The following KCNJ6 variants were observed in gnomAD, a reference collection of about 807,000 sequenced individuals.
KCNJ6 encodes the protein G protein-activated inward rectifier potassium channel 2.
Under a neutral mutation model 34.2 loss-of-function variants are expected in KCNJ6, and 9 were observed. The observed-to-expected ratio is 0.26, with a 90% CI of 0.16 to 0.46. The LOEUF is 0.46. Among genes scored for constraint, KCNJ6 ranks in the 20% least tolerant of loss-of-function variants. The probability of loss-of-function intolerance (pLI) is 1.00; values close to 1 mark genes in which losing one functional copy is unlikely to be tolerated. For synonymous variants in KCNJ6, 196 were observed against 207.1 expected (o/e 0.95, Z 0.46); for missense variants, 236 against 531.3 (o/e 0.44, Z 5.46).
At chr21:37,689,493 AG>A (rs1238743047) in intron 3 of KCNJ6, among the ~76,000 whole-genome samples, 5 of 152,172 alleles carry the variant, frequency 3.3e-5, no homozygotes, top group Non-Finnish European at 7.4e-5. Flanking sequence ...CTCCCAATAG[AG>A]GAGAGTTACA....
intron 1 of KCNJ6, among the ~76,000 whole-genome samples, chr21:37,899,372 G>A (rs1211987497): frequency 6.6e-6 from 1 of 152,200 alleles, no homozygotes; most frequent in Non-Finnish European, 1.5e-5. Flanking sequence ...AAAAGCGATT[G>A]TTAAGGAAAC....
chr21:37,840,614 C>T lies in KCNJ6; in HGVS notation c.25+44G>A, dbSNP rs756431546. ...TCTTTTTTGTGCGATTTTGCATTTT[C>T]CCATTCAAAACAAAAAATAAATAAT... On this transcript the variant is annotated intron_variant, in intron 2 of 3. Transcript: ENST00000609713. 52 of 1,428,498 alleles carry T rather than the reference C, an allele frequency of 3.6e-5. No individual in the cohort carries two copies. The Middle Eastern group carries it at 8.8e-4, about 24-fold the overall frequency. 88.5% of individuals were successfully genotyped at this position (1,428,498 alleles called of 1,614,324 possible).
In KCNJ6 at chr21:37,811,773, C is replaced by T. The variant is rs941303644; in HGVS notation, c.25+28885G>A. Among the ~76,000 whole-genome samples, 3 of 152,092 alleles carry T rather than the reference C, an allele frequency of 2.0e-5. No individual in the cohort carries two copies. The East Asian group carries it at 5.8e-4, about 29-fold the overall frequency. On this transcript the variant is annotated intron_variant, in intron 2 of 3. Coordinates refer to ENST00000609713, the MANE Select transcript of KCNJ6 (RefSeq NM_002240.5). Reference sequence around the variant, plus strand: ...GATCTTGGAGGGCTTAAGGGAGCTTCTTTTCAACCTCAGACATACCAGAAA... The same window carrying T: ...GATCTTGGAGGGCTTAAGGGAGCTTTTTTTCAACCTCAGACATACCAGAAA...
At chr21:37,634,289 A>C (rs1185498824) in intron 3 of KCNJ6, among the ~76,000 whole-genome samples, 1 of 145,744 alleles carries the variant, frequency 6.9e-6, no homozygotes, top group East Asian at 2.3e-4. Context: ...AGAGCCTGGC[A>C]CCTCCATCCC....
rs2123352236 is a variant in KCNJ6, at chr21:37,615,310, A to G, written c.*9849T>C. ...CTCTGTCGCCCAGGTCGGACTGCGG[A>G]CTGCAGTGGCGCAATCTCGGCTCAC... On this transcript the variant is annotated 3_prime_UTR_variant, in exon 4 of 4. Coordinates refer to ENST00000609713, the MANE Select transcript of KCNJ6 (RefSeq NM_002240.5). The G allele has an allele frequency of 7.4e-6, 1 of 134,454 alleles. No homozygotes were observed. Among genetic ancestry groups the G allele is most frequent in the South Asian group, 2.4e-4 (1 of 4,168 alleles). The allele number at this position is 134,454 out of a possible 1,614,324, so 8.3% of individuals were successfully genotyped here.
At chr21:37,666,315 A>C (rs201913599) in intron 3 of KCNJ6, among the ~76,000 whole-genome samples, 1 of 152,132 alleles carries the variant, frequency 6.6e-6, no homozygotes, top group East Asian at 1.9e-4. Flanking sequence ...GGCTGACCTG[A>C]GGCTGAGCTG....
chr21:37,809,186 T>C (rs1180225064), intron 2 of KCNJ6, among the ~76,000 whole-genome samples: 3 of 152,206 alleles, frequency 2.0e-5, no homozygotes, highest in Admixed American at 6.5e-5. Context: ...CATGGAATAC[T>C]ATGCAGCCAT....
chr21:37,741,191 A>G (rs1042282971), intron 2 of KCNJ6, among the ~76,000 whole-genome samples: 1 of 152,028 alleles, frequency 6.6e-6, no homozygotes, highest in Non-Finnish European at 1.5e-5. Flanking sequence ...CAAAATAAAC[A>G]TTTTTTCAAG....
intron 2 of KCNJ6, among the ~76,000 whole-genome samples, chr21:37,743,699 T>C (rs13049592): frequency 0.49 from 74,300 of 151,692 alleles, 18,537 homozygotes; most frequent in South Asian, 0.62. Flanking sequence ...GCCTCCAGAA[T>C]TGTGAGAAAT....
chr21:37,639,923 G>A (rs73222307), intron 3 of KCNJ6, among the ~76,000 whole-genome samples: 40,596 of 152,110 alleles, frequency 0.27, 5,811 homozygotes, highest in South Asian at 0.31. Flanking sequence ...ATGATTGTAA[G>A]TTTCCTGGGG....
At chr21:37,669,432 C>CT (rs1569442127) in intron 3 of KCNJ6, among the ~76,000 whole-genome samples, 2 of 152,190 alleles carry the variant, frequency 1.3e-5, no homozygotes, top group South Asian at 2.1e-4. Context: ...CAGAGTTTGC[C>CT]TTTTTTTGCT....
intron 2 of KCNJ6, among the ~76,000 whole-genome samples, chr21:37,729,497 T>C (rs2054873173): frequency 6.6e-6 from 1 of 152,182 alleles, no homozygotes; most frequent in African/African-American, 2.4e-5. Flanking sequence ...CTAATTTTTG[T>C]ACTTTTTGTA....
chr21:37,840,157 C>T lies in KCNJ6; in HGVS notation c.25+501G>A, dbSNP rs148911445. Among the ~76,000 whole-genome samples, 508 of 152,318 alleles carry T rather than the reference C, an allele frequency of 3.3e-3. 4 individuals carry two copies. The highest frequency in any genetic ancestry group is 0.011 in the African/African-American group (463 of 41,572). ...TTTATTTAGCTTAAGAGCACTATAACGCTATGTTCAAAACCTAAATCATTA... is the reference window on the plus strand; with the variant it reads ...TTTATTTAGCTTAAGAGCACTATAATGCTATGTTCAAAACCTAAATCATTA... On this transcript the variant is annotated intron_variant, in intron 2 of 3. Transcript: ENST00000609713.
intron 2 of KCNJ6, among the ~76,000 whole-genome samples, chr21:37,824,143 T>C (rs1228862606): frequency 6.6e-6 from 1 of 152,182 alleles, no homozygotes; most frequent in Non-Finnish European, 1.5e-5. Flanking sequence ...GGAAAGTTCT[T>C]GACACAAAAA....
Position 37,884,609 on chromosome 21 carries a change from C to T in KCNJ6, c.-28+31275G>A, listed in dbSNP as rs539678979. Among the ~76,000 whole-genome samples, 7 of 152,310 alleles carry T rather than the reference C, an allele frequency of 4.6e-5. No individual in the cohort carries two copies. The East Asian group carries it at 1.3e-3, about 29-fold the overall frequency. On this transcript the variant is annotated intron_variant, in intron 1 of 3. Transcript: ENST00000609713. ...AAACTTTCAGGCCTGCCCAAAGCCCCAAAGTAAAAGTCAAATTTCACAAAA... is the reference window on the plus strand; with the variant it reads ...AAACTTTCAGGCCTGCCCAAAGCCCTAAAGTAAAAGTCAAATTTCACAAAA...
At chr21:37,792,544 G>A (rs2053770842) in intron 2 of KCNJ6, among the ~76,000 whole-genome samples, 1 of 152,208 alleles carries the variant, frequency 6.6e-6, no homozygotes, top group Non-Finnish European at 1.5e-5. Context: ...GGTAGGAGAG[G>A]AAGTAGAGGG....
At chr21:37,708,911 C>T (rs1429638622) in intron 3 of KCNJ6, among the ~76,000 whole-genome samples, 5 of 152,182 alleles carry the variant, frequency 3.3e-5, no homozygotes, top group Non-Finnish European at 5.9e-5. Flanking sequence ...CTCATATTCT[C>T]CCCTGCTAGG....
chr21:37,761,206 A>ATT (rs912059669), intron 2 of KCNJ6, among the ~76,000 whole-genome samples: 1 of 146,200 alleles, frequency 6.8e-6, no homozygotes, highest in Non-Finnish European at 1.5e-5. Flanking sequence ...GTGTGTATGT[A>ATT]TTGTGTGTGT....
intron 1 of KCNJ6, among the ~76,000 whole-genome samples, chr21:37,848,530 T>A (rs1357809171): frequency 6.6e-6 from 1 of 152,174 alleles, no homozygotes; most frequent in African/African-American, 2.4e-5. Flanking sequence ...GGTCCCTATG[T>A]ACAGGTCACC....
Sources: allele counts gnomAD v4.1 joint callset (sites outside exome capture counted in the v4.1 genomes callset), GRCh38; gene constraint gnomAD v4.1.1; transcripts MANE v1.5; gene names NCBI Gene and HGNC (gene_info 2026-07-23, HGNC 2026-07-21).